PEX14: variants seen among roughly 807,000 people sequenced by gnomAD.
PEX14 encodes peroxisomal membrane protein PEX14.
PEX14 carries 15 observed loss-of-function variants against 49.5 expected under a neutral mutation model. That is an observed-to-expected ratio of 0.30 (90% CI 0.20 to 0.47). PEX14 has a LOEUF of 0.47. Ranked by LOEUF, PEX14 falls within the 20% of genes least tolerant of loss-of-function variation. The probability of loss-of-function intolerance (pLI) is 1.00; values close to 1 mark genes in which losing one functional copy is unlikely to be tolerated. For synonymous variants in PEX14, 210 were observed against 212.7 expected (o/e 0.99, Z 0.11); for missense variants, 398 against 494.8 (o/e 0.80, Z 1.86).
At chr1:10,582,396 A>G (rs1411197378) in intron 3 of PEX14, among the ~76,000 whole-genome samples, 1 of 152,208 alleles carries the variant, frequency 6.6e-6, no homozygotes, top group Non-Finnish European at 1.5e-5. Context: ...GTTCAACACC[A>G]TTAAAATCCT....
At chr1:10,479,918 GC>G (rs1641255031) in intron 1 of PEX14, among the ~76,000 whole-genome samples, 1 of 152,142 alleles carries the variant, frequency 6.6e-6, no homozygotes, top group Non-Finnish European at 1.5e-5. Flanking sequence ...GATTGCTTGA[GC>G]CCAGGAGTTG....
At chr1:10,533,440 G>A (rs1456639019) in intron 2 of PEX14, among the ~76,000 whole-genome samples, 1 of 152,082 alleles carries the variant, frequency 6.6e-6, no homozygotes, top group Non-Finnish European at 1.5e-5. Flanking sequence ...TCAAATTCCC[G>A]TTAAAATAAA....
chr1:10,582,194 G>C (rs763630300), intron 3 of PEX14, among the ~76,000 whole-genome samples: 1 of 150,824 alleles, frequency 6.6e-6, no homozygotes, highest in Admixed American at 6.6e-5. Flanking sequence ...TTTTTAAGAG[G>C]GGAAAAAAGG....
chr1:10,585,160 A>G (rs1330521297), intron 3 of PEX14, among the ~76,000 whole-genome samples: 3 of 152,244 alleles, frequency 2.0e-5, no homozygotes, highest in African/African-American at 7.2e-5. Flanking sequence ...TTACTGTTGC[A>G]GACAAATTCC....
intron 2 of PEX14, among the ~76,000 whole-genome samples, chr1:10,534,006 G>A (rs186852625): frequency 1.9e-4 from 29 of 152,300 alleles, no homozygotes; most frequent in Non-Finnish European, 5.9e-5. Flanking sequence ...TGTTCCAGTG[G>A]TGGGATTCTG....
intron 3 of PEX14, among the ~76,000 whole-genome samples, chr1:10,583,302 C>G (rs1640381038): frequency 6.6e-6 from 1 of 151,236 alleles, no homozygotes; most frequent in Non-Finnish European, 1.5e-5. Flanking sequence ...TCACTGCAGC[C>G]TTGACCTCCT....
Position 10,514,213 on chromosome 1 carries a change from C to T in PEX14, c.84+18892C>T, listed in dbSNP as rs974687040. Among the ~76,000 whole-genome samples the T allele has an allele frequency of 2.1e-5, 3 of 144,888 alleles. No homozygotes were observed. Among genetic ancestry groups the T allele is most frequent in the Non-Finnish European group, 3.0e-5 (2 of 66,132 alleles). On this transcript the variant is annotated intron_variant, in intron 2 of 8. Transcript: ENST00000356607. This position sits in a 1 kb window ranked among gnomAD's most constrained non-coding sequence, Gnocchi z 4.4. ...GTGTGTGTGTGTATGGTGTTAGAAACGGCAGAGTCACCTTCTAAAACAGCA... is the reference window on the plus strand; with the variant it reads ...GTGTGTGTGTGTATGGTGTTAGAAATGGCAGAGTCACCTTCTAAAACAGCA...
chr1:10,518,755 G>T (rs911529695), intron 2 of PEX14, among the ~76,000 whole-genome samples: 3 of 152,150 alleles, frequency 2.0e-5, no homozygotes. Context: ...TGCTTCCTGC[G>T]TTCCCAGCCC....
intron 2 of PEX14, among the ~76,000 whole-genome samples, chr1:10,509,250 G>A (rs929828572): frequency 6.6e-6 from 1 of 152,126 alleles, no homozygotes; most frequent in Admixed American, 6.5e-5. Flanking sequence ...GCCCGGCAAA[G>A]GCATGCCTCT....
intron 2 of PEX14, among the ~76,000 whole-genome samples, chr1:10,513,925 T>G (rs571803397): frequency 6.6e-6 from 1 of 152,224 alleles, no homozygotes; most frequent in Non-Finnish European, 1.5e-5. Context: ...TTAATGCTAA[T>G]TCATCCGCTC....
At chr1:10,485,637 C>T (rs1351514405) in intron 1 of PEX14, among the ~76,000 whole-genome samples, 2 of 151,206 alleles carry the variant, frequency 1.3e-5, no homozygotes, top group African/African-American at 2.4e-5. Flanking sequence ...TTTTTGTTTT[C>T]AGGATACTGT....
intron 2 of PEX14, among the ~76,000 whole-genome samples, chr1:10,526,717 G>A (rs1174088617): frequency 3.3e-5 from 5 of 152,040 alleles, no homozygotes; most frequent in Non-Finnish European, 5.9e-5. Context: ...TCCCAAATCC[G>A]AAATGCTCCA....
At chr1:10,571,058 T>C (rs890026551) in intron 3 of PEX14, among the ~76,000 whole-genome samples, 3 of 140,474 alleles carry the variant, frequency 2.1e-5, no homozygotes, top group Non-Finnish European at 4.5e-5. Flanking sequence ...GATTTTGCCA[T>C]GTTGCCCAGG....
intron 2 of PEX14, among the ~76,000 whole-genome samples, chr1:10,498,280 T>TAAAACAAAACAAAACAAAAC: frequency 6.7e-6 from 1 of 150,042 alleles, no homozygotes; most frequent in Non-Finnish European, 1.5e-5. Context: ...GCCCTGTCTC[T>TAAAACAAAACAAAACAAAAC]AAAACAAAAC....
chr1:10,598,183 C>T (rs996090277), intron 3 of PEX14, among the ~76,000 whole-genome samples: 2 of 152,184 alleles, frequency 1.3e-5, no homozygotes, highest in Admixed American at 1.3e-4. Flanking sequence ...AAGGGCTGGC[C>T]GAGTGGTCTT....
chr1:10,508,355 C>T (rs1257359297), intron 2 of PEX14, among the ~76,000 whole-genome samples: 2 of 152,084 alleles, frequency 1.3e-5, no homozygotes, highest in African/African-American at 4.8e-5. Flanking sequence ...TACAGGCGCC[C>T]GCCACCATGC....
chr1:10,542,019 C>T (rs567844831), intron 3 of PEX14, among the ~76,000 whole-genome samples: 2 of 152,018 alleles, frequency 1.3e-5, no homozygotes, highest in Admixed American at 6.5e-5. Context: ...CTTAAACTTG[C>T]GTGCCTGTAA....
At chr1:10,496,306 C>T (rs1451773482) in intron 2 of PEX14, among the ~76,000 whole-genome samples, 7 of 152,136 alleles carry the variant, frequency 4.6e-5, no homozygotes, top group South Asian at 4.1e-4. Context: ...CCTGCTGTTA[C>T]GTCACCAGTT....
chr1:10,554,359 TAAAGGGCAGACTCCA>T lies in PEX14; in HGVS notation c.169+18081_169+18095del, dbSNP rs549922669. Among the ~76,000 whole-genome samples, 904 of 149,364 alleles carry T rather than the reference TAAAGGGCAGACTCCA, an allele frequency of 6.1e-3. 6 individuals are homozygous for T. The highest frequency in any genetic ancestry group is 0.021 in the African/African-American group (840 of 40,782). ...ATGTGTGGAGCTGAGGCAGAAAGCCTAAAGGGCAGACTCCAAAAGGGCAGACTCCAAAATGATCAG... is the reference window on the plus strand; with the variant it reads ...ATGTGTGGAGCTGAGGCAGAAAGCCTAAAGGGCAGACTCCAAAATGATCAG... On this transcript the variant is annotated intron_variant, in intron 3 of 8. Coordinates refer to ENST00000356607, the MANE Select transcript of PEX14 (RefSeq NM_004565.3).
Sources: allele counts gnomAD v4.1 joint callset (sites outside exome capture counted in the v4.1 genomes callset), GRCh38; gene constraint gnomAD v4.1.1; non-coding constraint Gnocchi (gnomAD v3.1); transcripts MANE v1.5; gene names NCBI Gene and HGNC (gene_info 2026-07-23, HGNC 2026-07-21).